SPATA31H1: variants seen among roughly 807,000 people sequenced by gnomAD.
SPATA31H1 encodes spermatogenesis-associated protein 31H1.
chr2:27,561,657 G>A, the SPATA31H1 span, among the ~76,000 whole-genome samples: 1 of 151,918 alleles, frequency 6.6e-6, no homozygotes, highest in Non-Finnish European at 1.5e-5. Context: ...TGTGGTATTA[G>A]GAAGTGATAC....
the SPATA31H1 span, chr2:27,579,654 G>A: frequency 1.9e-6 from 3 of 1,614,146 alleles, no homozygotes; most frequent in East Asian, 4.5e-5. Flanking sequence ...TCCTGTCCTG[G>A]TAAAGTCAGA....
At chr2:27,570,251 T>C in the SPATA31H1 span, 3 of 398,704 alleles carry the variant, frequency 7.5e-6, no homozygotes, top group Admixed American at 8.8e-5. Context: ...GGACACATAT[T>C]GAAGATATGA....
At chr2:27,566,966 T>C in the SPATA31H1 span, 1 of 717,586 alleles carries the variant, frequency 1.4e-6, no homozygotes. Context: ...ATAGTTTACC[T>C]ATTTCCCACA....
At chr2:27,569,352 G>A in the SPATA31H1 span, 2 of 398,972 alleles carry the variant, frequency 5.0e-6, no homozygotes, top group Non-Finnish European at 4.4e-6. Flanking sequence ...TAAAGAAACT[G>A]TGGGGTTGGC....
At chr2:27,581,211 G>A in the SPATA31H1 span, 3 of 1,614,092 alleles carry the variant, frequency 1.9e-6, no homozygotes, top group Non-Finnish European at 2.5e-6. Flanking sequence ...CTTCTATAGG[G>A]AGAGAACCCC....
chr2:27,582,013 G>A, the SPATA31H1 span: 23 of 1,605,040 alleles, frequency 1.4e-5, no homozygotes, highest in East Asian at 1.4e-4. Context: ...GAGAGGAGCC[G>A]TCACAGTCTC....
At chr2:27,559,340 G>A in the SPATA31H1 span, among the ~76,000 whole-genome samples, 1 of 152,150 alleles carries the variant, frequency 6.6e-6, no homozygotes, top group Admixed American at 6.5e-5. Context: ...GCTGAAAGCC[G>A]GGGATATTAG....
At chr2:27,579,584 C>T in the SPATA31H1 span, 1 of 1,614,196 alleles carries the variant, frequency 6.2e-7, no homozygotes, top group South Asian at 1.1e-5. Flanking sequence ...ACTCAACGTT[C>T]AATGGTATAT....
chr2:27,578,640 A>AT, the SPATA31H1 span: 1 of 1,614,202 alleles, frequency 6.2e-7, no homozygotes, highest in Non-Finnish European at 8.5e-7. Flanking sequence ...ATCTACAGTG[A>AT]TAAAAACAGA....
At chr2:27,551,658 C>G in the SPATA31H1 span, among the ~76,000 whole-genome samples, 1 of 151,994 alleles carries the variant, frequency 6.6e-6, no homozygotes, top group African/African-American at 2.4e-5. Context: ...AGTCTTGAGG[C>G]AGAATACCTT....
chr2:27,564,122 TTCCTG>T, the SPATA31H1 span, among the ~76,000 whole-genome samples: 3 of 152,324 alleles, frequency 2.0e-5, 1 homozygote, highest in East Asian at 5.8e-4. Flanking sequence ...AATTTGAGGG[TTCCTG>T]GCTACACAGT....
the SPATA31H1 span, chr2:27,573,821 G>C: frequency 2.5e-6 from 1 of 398,468 alleles, no homozygotes. Flanking sequence ...TAAGCCAAGA[G>C]CTACCATTAC....
chr2:27,552,085 A>T, the SPATA31H1 span, among the ~76,000 whole-genome samples: 1 of 152,004 alleles, frequency 6.6e-6, no homozygotes, highest in Non-Finnish European at 1.5e-5. Flanking sequence ...AAGTGCTGGG[A>T]TTACAGGTGT....
chr2:27,559,177 A>G, the SPATA31H1 span, among the ~76,000 whole-genome samples: 2 of 152,154 alleles, frequency 1.3e-5, no homozygotes, highest in Non-Finnish European at 2.9e-5. Flanking sequence ...TCCTCCAGAG[A>G]GTAGCGATAT....
chr2:27,581,172 C>T, the SPATA31H1 span: 7 of 1,614,202 alleles, frequency 4.3e-6, no homozygotes, highest in East Asian at 1.3e-4. Context: ...TAAAGACAAA[C>T]TCACACACAA....
chr2:27,539,849 C>A, the SPATA31H1 span, among the ~76,000 whole-genome samples: 1 of 92,234 alleles, frequency 1.1e-5, no homozygotes, highest in African/African-American at 4.2e-5. Flanking sequence ...CCGGACCGGG[C>A]GGCTGGCCAG....
chr2:27,556,919 C>A, the SPATA31H1 span, among the ~76,000 whole-genome samples: 1 of 83,896 alleles, frequency 1.2e-5, no homozygotes, highest in African/African-American at 4.9e-5. Flanking sequence ...TGACTCTTAA[C>A]GAGCATGCTG....
chr2:27,578,156 G>A, the SPATA31H1 span: 2 of 1,614,046 alleles, frequency 1.2e-6, no homozygotes, highest in South Asian at 1.1e-5. Context: ...AGTCTGTGAC[G>A]ATACCAAGGC....
chr2:27,550,968 C>A, the SPATA31H1 span, among the ~76,000 whole-genome samples: 1 of 151,770 alleles, frequency 6.6e-6, no homozygotes, highest in East Asian at 1.9e-4. Flanking sequence ...CAGCTCACTG[C>A]AACCTCTGCC....
Sources: allele counts gnomAD v4.1 joint callset (sites outside exome capture counted in the v4.1 genomes callset), GRCh38; gene constraint gnomAD v4.1.1; transcripts MANE v1.5; gene names NCBI Gene and HGNC (gene_info 2026-07-23, HGNC 2026-07-21).